Variants in SLC20A2 observed in about 807,000 individuals in gnomAD.
SLC20A2 encodes sodium-dependent phosphate transporter 2.
In SLC20A2, 30 loss-of-function variants were observed where a neutral mutation model predicts 61.0. The observed-to-expected ratio is 0.49, with a 90% confidence interval of 0.37 to 0.67. The LOEUF (loss-of-function observed/expected upper bound fraction) is 0.67. SLC20A2 is among the 30% of genes least tolerant of loss of function. The pLI, the probability that SLC20A2 is intolerant of heterozygous loss-of-function variation, is 0.00. For missense variants in SLC20A2, 626 were observed against 866.4 expected, an observed-to-expected ratio of 0.72 and a Z score of 3.48; for synonymous variants, 351 against 353.3, an observed-to-expected ratio of 0.99 and a Z score of 0.07.
At chr8:42,480,294 T>A (rs1808461212) in intron 1 of SLC20A2, among the ~76,000 whole-genome samples, 1 of 152,250 alleles carries the variant, frequency 6.6e-6, no homozygotes, top group South Asian at 2.1e-4. Flanking sequence ...TCTCTAGGTC[T>A]CTTTTTATTT....
chr8:42,526,402 G>A (rs183343418), intron 1 of SLC20A2, among the ~76,000 whole-genome samples: 214 of 152,078 alleles, frequency 1.4e-3, no homozygotes, highest in African/African-American at 4.6e-3. Flanking sequence ...GGCTGGGTGT[G>A]GTGGCTCACG....
rs374973821 is a variant in SLC20A2, at chr8:42,437,174, C to T, written c.1338G>A (p.Glu446=). The T allele has an allele frequency of 2.5e-6, 4 of 1,613,528 alleles. No individual in the cohort carries two copies. Among genetic ancestry groups the T allele is most frequent in the Admixed American group, 3.3e-5 (2 of 60,010 alleles). The change falls in exon 8 of 11, where the codon GAG becomes GAA. Residue 446 remains glutamate, a synonymous_variant. Transcript: ENST00000520262. The surrounding 1 kb of genome is among the most constrained non-coding windows in gnomAD (Gnocchi z 6.4). The stretch of plus-strand genomic sequence containing the variant: ...TCATCTCCACGCCGCCCTCCTCCGC[C>T]TCGATCTCCGCCTCTGCCACCGCGT... The part of the protein sequence containing the change: ...YCNAVAEAEI[E]AEEGGVEMKL...
At position 42,434,400 on chromosome 8, in the gene SLC20A2, A is replaced by AT. The variant is rs371374496; in HGVS notation, c.1523+2588dup. Among the ~76,000 whole-genome samples the AT allele has an allele frequency of 2.6e-3, 369 of 144,648 alleles. 2 individuals carry two copies. Among genetic ancestry groups the AT allele is most frequent in the African/African-American group, 8.2e-3 (323 of 39,444 alleles). The allele number at this position is 144,648 out of a possible 152,430, so 94.9% of individuals were successfully genotyped here. A position where few individuals can be genotyped will look rare whatever the true frequency, so the allele number is the denominator to read the frequency against. On this transcript the variant is annotated intron_variant, in intron 8 of 10. Coordinates refer to ENST00000520262, the MANE Select transcript of SLC20A2 (RefSeq NM_001257180.2). ...CCACACCCGGCCTATTAAATGGATTATTTTTTTTTTTGAGACAGTCTCACT... is the reference window on the plus strand; with the variant it reads ...CCACACCCGGCCTATTAAATGGATTATTTTTTTTTTTTGAGACAGTCTCACT...
chr8:42,467,948 G>C (rs932562273), intron 2 of SLC20A2, among the ~76,000 whole-genome samples: 4 of 150,688 alleles, frequency 2.7e-5, no homozygotes, highest in African/African-American at 9.8e-5. Flanking sequence ...ACGGGGTCTT[G>C]CTCTGTTGCC....
chr8:42,433,234 C>T (rs1803995982), intron 8 of SLC20A2, among the ~76,000 whole-genome samples: 1 of 152,186 alleles, frequency 6.6e-6, no homozygotes, highest in African/African-American at 2.4e-5. Flanking sequence ...TTCCCACTGC[C>T]CCTCCCCGCA....
chr8:42,459,059 T>G (rs1286752317), intron 5 of SLC20A2, among the ~76,000 whole-genome samples: 1 of 140,522 alleles, frequency 7.1e-6, no homozygotes, highest in Non-Finnish European at 1.5e-5. Context: ...GATCACAAGG[T>G]CAGGAGTTCG....
rs111546809 is a variant in SLC20A2, at chr8:42,492,749, C to T, written c.-265+8282G>A. ...TGTCACCCAGGCTGGAGTGCAGTGG[C>T]GCCATCTCGGCTCACTGCAAGCTCC... is the stretch of plus-strand genomic sequence containing the variant. On this transcript the variant is annotated intron_variant, in intron 1 of 10. Coordinates refer to ENST00000520262, the MANE Select transcript of SLC20A2 (RefSeq NM_001257180.2). Among the ~76,000 whole-genome samples the T allele has an allele frequency of 8.1e-3, 1,223 of 151,536 alleles. 18 individuals are homozygous for T. The highest frequency in any genetic ancestry group is 0.018 in the African/African-American group (753 of 41,236).
chr8:42,528,856 G>A (rs951409326), intron 1 of SLC20A2, among the ~76,000 whole-genome samples: 3 of 151,822 alleles, frequency 2.0e-5, no homozygotes, highest in Non-Finnish European at 4.4e-5. Flanking sequence ...TAGTAGAAAC[G>A]GGGTTTCTCC....
chr8:42,427,634 A>G (rs934534299), intron 10 of SLC20A2, among the ~76,000 whole-genome samples: 1 of 152,122 alleles, frequency 6.6e-6, no homozygotes, highest in African/African-American at 2.4e-5. Flanking sequence ...GGAAAAAACA[A>G]ACTCTTTCCA....
At position 42,459,926 on chromosome 8, in the gene SLC20A2, C is replaced by T; in HGVS notation, c.583G>A (p.Val195Ile). ...GCTCCTGTGTACATGATGGAAAAGA[C>T]ATTGATTGCTATGGTAGCAGCATAG... Reference protein sequence around the residue: ...VFYAATIAINVFSIMYTGAPV... With the variant: ...VFYAATIAINIFSIMYTGAPV... Residue 195 changes from valine (V) to isoleucine (I), a missense_variant, in exon 5 of 11, where the codon GTC becomes ATC. By Grantham distance (29) the Val-to-Ile change is conservative (BLOSUM62 3). Around this residue, in one of 3 missense-constraint regions of SLC20A2, gnomAD observed 361 missense variants for 422.3 expected, o/e 0.85. Coordinates refer to ENST00000520262, the MANE Select transcript of SLC20A2 (RefSeq NM_001257180.2). 6.2e-7 allele frequency: 1 copy of T among 1,613,456 alleles called. No individual in the cohort carries two copies. Among genetic ancestry groups the T allele is most frequent in the Non-Finnish European group, 8.5e-7 (1 of 1,179,664 alleles).
At chr8:42,517,311 T>C (rs1408962781) in intron 1 of SLC20A2, among the ~76,000 whole-genome samples, 2 of 148,924 alleles carry the variant, frequency 1.3e-5, no homozygotes, top group Non-Finnish European at 3.0e-5. Flanking sequence ...GAGGCCGCAG[T>C]GGGCCGTGTT....
At chr8:42,449,966 C>A (rs546300480) in intron 5 of SLC20A2, among the ~76,000 whole-genome samples, 1 of 152,204 alleles carries the variant, frequency 6.6e-6, no homozygotes, top group Non-Finnish European at 1.5e-5. Context: ...TAAACATTCA[C>A]ACTTATGTGT....
chr8:42,460,872 C>T (rs1806639196), intron 4 of SLC20A2, among the ~76,000 whole-genome samples: 1 of 152,140 alleles, frequency 6.6e-6, no homozygotes, highest in Non-Finnish European at 1.5e-5. Context: ...CTTCTAATAA[C>T]CACGAAGGCC....
intron 2 of SLC20A2, among the ~76,000 whole-genome samples, chr8:42,467,251 G>C (rs1408089546): frequency 1.3e-5 from 2 of 152,212 alleles, no homozygotes; most frequent in Non-Finnish European, 2.9e-5. Flanking sequence ...TTGTTGTTAA[G>C]AGGTTCTCAT....
intron 1 of SLC20A2, among the ~76,000 whole-genome samples, chr8:42,500,548 C>T (rs1271579492): frequency 6.6e-6 from 1 of 152,118 alleles, no homozygotes; most frequent in Non-Finnish European, 1.5e-5. Context: ...CAAAATCCCC[C>T]TTAAAAGGAT....
chr8:42,535,302 ACATTCAAAGATGG>A, intron 1 of SLC20A2: 1 of 152,212 alleles, frequency 6.6e-6, no homozygotes, highest in East Asian at 1.9e-4. Context: ...TTTATCTCTC[ACATTCAAAGATGG>A]CATTGTTTCC....
At chr8:42,527,552 C>T (rs960672920) in intron 1 of SLC20A2, among the ~76,000 whole-genome samples, 1 of 151,884 alleles carries the variant, frequency 6.6e-6, no homozygotes, top group East Asian at 1.9e-4. Flanking sequence ...CTGAGGAGGG[C>T]GGATCACCTG....
intron 1 of SLC20A2, among the ~76,000 whole-genome samples, chr8:42,488,982 C>T (rs1809288536): frequency 7.1e-6 from 1 of 141,796 alleles, no homozygotes; most frequent in Admixed American, 7.4e-5. Context: ...CTCTGTCTCC[C>T]AGGCTGGAAT....
At chr8:42,456,574 T>C (rs1314222199) in intron 5 of SLC20A2, among the ~76,000 whole-genome samples, 1 of 151,606 alleles carries the variant, frequency 6.6e-6, no homozygotes, top group Non-Finnish European at 1.5e-5. Flanking sequence ...CTACTAAAAA[T>C]ACAAAAAATT....
Sources: gnomAD v4.1 joint callset for allele counts (sites outside exome capture counted in the v4.1 genomes callset) on GRCh38, gnomAD v4.1.1 for gene constraint, gnomAD v4.1.1 regional missense constraint, Gnocchi (gnomAD v3.1) non-coding constraint, MANE v1.5 for transcripts, NCBI Gene and HGNC (gene_info 2026-07-23, HGNC 2026-07-21) for gene names.